Variants in IL23R observed in about 807,000 individuals in gnomAD.
IL23R encodes interleukin 23 receptor.
Under a neutral mutation model 56.9 loss-of-function variants are expected in IL23R, and 34 were observed. That is an observed-to-expected ratio of 0.60 (90% CI 0.45 to 0.80). IL23R has a LOEUF of 0.80. Among genes scored for constraint, IL23R ranks in the 30% least tolerant of loss-of-function variants. The probability of loss-of-function intolerance (pLI) is 0.00; values close to 1 mark genes in which losing one functional copy is unlikely to be tolerated. For synonymous variants in IL23R, 230 were observed against 249.2 expected (o/e 0.92, Z 0.73); for missense variants, 635 against 730.0 (o/e 0.87, Z 1.50).
At chr1:67,193,962 C>T (rs535875820) in intron 4 of IL23R, among the ~76,000 whole-genome samples, 3 of 152,314 alleles carry the variant, frequency 2.0e-5, no homozygotes, top group South Asian at 2.1e-4. Flanking sequence ...GTGGTTTCCA[C>T]GATACACTCC....
chr1:67,155,301 G>C (rs922355990), intron 1 of IL23R, among the ~76,000 whole-genome samples: 40 of 152,186 alleles, frequency 2.6e-4, no homozygotes, highest in African/African-American at 9.6e-4. Flanking sequence ...TATCTTAGTG[G>C]TGCTCTCTGT....
At chr1:67,185,374 G>T (rs1312589713) in intron 4 of IL23R, among the ~76,000 whole-genome samples, 3 of 152,098 alleles carry the variant, frequency 2.0e-5, no homozygotes, top group Non-Finnish European at 4.4e-5. Flanking sequence ...TCATCATTAT[G>T]GAAGGGAATA....
At chr1:67,214,918 G>C (rs560833848) in intron 6 of IL23R, among the ~76,000 whole-genome samples, 1 of 152,222 alleles carries the variant, frequency 6.6e-6, no homozygotes, top group East Asian at 1.9e-4. Context: ...TCATAACTTA[G>C]AAAGCGATGT....
chr1:67,176,190 G>A lies in IL23R; in HGVS notation c.367+6552G>A, dbSNP rs148485400. On this transcript the variant is annotated intron_variant, in intron 3 of 10. Transcript: ENST00000347310. ...TTGGGTTTAAATGCATATGGGAAAT[G>A]AAGAATAATAGGCTCTTTAAAAGTG... is the stretch of plus-strand genomic sequence containing the variant. Among the ~76,000 whole-genome samples the A allele has an allele frequency of 7.2e-5, 11 of 152,258 alleles. No individual in the cohort carries two copies. The East Asian group carries it at 2.1e-3, about 29-fold the overall frequency.
chr1:67,254,455 A>G (rs1314712489), intron 9 of IL23R, among the ~76,000 whole-genome samples: 3 of 152,128 alleles, frequency 2.0e-5, no homozygotes, highest in African/African-American at 4.8e-5. Flanking sequence ...AGTGTACTGT[A>G]TAAAAACTTT....
chr1:67,154,552 T>A (rs1646755436), intron 1 of IL23R, among the ~76,000 whole-genome samples: 1 of 152,166 alleles, frequency 6.6e-6, no homozygotes, highest in Non-Finnish European at 1.5e-5. Flanking sequence ...TGGTTTAAAG[T>A]CTGTTTTATT....
chr1:67,219,718 A>G lies in IL23R; in HGVS notation c.943A>G (p.Thr315Ala), dbSNP rs768312080. The G allele has an allele frequency of 6.2e-7, 1 of 1,613,648 alleles. No individual in the cohort carries two copies. The highest frequency in any genetic ancestry group is 8.5e-7 in the Non-Finnish European group (1 of 1,179,564). ...QPWSSLFFHK[T>A]PETVPQVTSK... ...TTGGAGTTCACTGTTTTTTCATAAAACACCTGAAACAGGTGAGTGTACTTA... is the reference window on the plus strand; with the variant it reads ...TTGGAGTTCACTGTTTTTTCATAAAGCACCTGAAACAGGTGAGTGTACTTA... Residue 315 changes from threonine (T) to alanine (A), a missense_variant, in exon 7 of 11, where the codon ACA becomes GCA. By Grantham distance (58) the Thr-to-Ala change is moderately conservative. Transcript: ENST00000347310.
chr1:67,242,508 C>T (rs1391512439), intron 9 of IL23R, among the ~76,000 whole-genome samples: 1 of 152,124 alleles, frequency 6.6e-6, no homozygotes, highest in Non-Finnish European at 1.5e-5. Flanking sequence ...AAGCTGTTCA[C>T]ATTAAGGACG....
In IL23R at chr1:67,171,921, T is replaced by C. The variant is rs377340626; in HGVS notation, c.367+2283T>C. Among the ~76,000 whole-genome samples, 14 of 152,350 alleles carry C rather than the reference T, an allele frequency of 9.2e-5. No homozygotes were observed. The East Asian group carries it at 1.9e-3, about 21-fold the overall frequency. On this transcript the variant is annotated intron_variant, in intron 3 of 10. Coordinates refer to ENST00000347310, the MANE Select transcript of IL23R (RefSeq NM_144701.3). ...ACCCAACACCAGGCAATGTAGAAGG[T>C]AAGAGAATGGACTTTGTTCCTCTTC... is the stretch of plus-strand genomic sequence containing the variant.
chr1:67,219,815 C>T, intron 7 of IL23R, 85 bp downstream of exon 7: 6 of 1,360,170 alleles, frequency 4.4e-6, no homozygotes, highest in Non-Finnish European at 6.3e-6. Context: ...CCTATAATTC[C>T]AGCACTTTGA....
intron 6 of IL23R, among the ~76,000 whole-genome samples, chr1:67,210,435 G>C (rs1471691927): frequency 6.6e-6 from 1 of 151,712 alleles, no homozygotes; most frequent in Non-Finnish European, 1.5e-5. Flanking sequence ...AATAGTTTCT[G>C]GCCTTTTTTT....
At chr1:67,222,336 C>T (rs574442637) in intron 7 of IL23R, among the ~76,000 whole-genome samples, 59 of 152,016 alleles carry the variant, frequency 3.9e-4, no homozygotes, top group African/African-American at 5.1e-4. Context: ...AGGCTGGTCT[C>T]GAACTCACGA....
intron 6 of IL23R, among the ~76,000 whole-genome samples, chr1:67,211,323 A>T (rs1649454919): frequency 6.6e-6 from 1 of 152,216 alleles, no homozygotes. Context: ...GATATTAAAG[A>T]ATACTGAGTT....
intron 4 of IL23R, among the ~76,000 whole-genome samples, chr1:67,190,009 A>C (rs1021915394): frequency 6.6e-6 from 1 of 152,180 alleles, no homozygotes; most frequent in African/African-American, 2.4e-5. Context: ...GAGAAAGCTG[A>C]CTTATAATGA....
In IL23R at chr1:67,187,054, C is replaced by T. The variant is rs138827946; in HGVS notation, c.491+4095C>T. On this transcript the variant is annotated intron_variant, in intron 4 of 10. Transcript: ENST00000347310. ...ATTCTTCTATTAATATTTGTGTACA[C>T]GTTTTGTGTAGACATATTTTTATTT... 3.8e-3 allele frequency among the ~76,000 whole-genome samples: 579 copies of T among 152,076 alleles called. 4 individuals carry two copies. Among genetic ancestry groups the T allele is most frequent in the African/African-American group, 0.013 (549 of 41,474 alleles).
intron 5 of IL23R, among the ~76,000 whole-genome samples, chr1:67,202,110 G>A (rs1051261693): frequency 1.3e-5 from 2 of 152,168 alleles, no homozygotes; most frequent in Non-Finnish European, 2.9e-5. Context: ...GAATCATCCT[G>A]TCTTTGCAGA....
At chr1:67,205,921 TTCTTTTTC>T (rs1430585563) in intron 5 of IL23R, among the ~76,000 whole-genome samples, 1 of 123,264 alleles carries the variant, frequency 8.1e-6, no homozygotes, top group African/African-American at 2.9e-5. Flanking sequence ...CTTTCTTTCT[TTCTTTTTC>T]TTTCTTTCTT....
rs72241835 is a variant in IL23R, at chr1:67,222,102, C to CTTTTTTTTTTTTTTTTTTTTTTT, written c.955+2378_955+2400dup. Among the ~76,000 whole-genome samples the CTTTTTTTTTTTTTTTTTTTTTTT allele has an allele frequency of 1.9e-3, 111 of 58,904 alleles. 1 individual carries two copies. Among genetic ancestry groups the CTTTTTTTTTTTTTTTTTTTTTTT allele is most frequent in the Admixed American group, 3.1e-3 (11 of 3,600 alleles). 38.6% of individuals were successfully genotyped at this position (58,904 alleles called of 152,430 possible). The stretch of plus-strand genomic sequence containing the variant: ...TCCTTTTCTCTTTCTTTCTTTCTTT[C>CTTTTTTTTTTTTTTTTTTTTTTT]TTTTTTTTTTTTTTTTTTTTTTTTT... On this transcript the variant is annotated intron_variant, in intron 7 of 10. Transcript: ENST00000347310.
At chr1:67,203,500 A>C in intron 5 of IL23R, among the ~76,000 whole-genome samples, 1 of 148,572 alleles carries the variant, frequency 6.7e-6, no homozygotes, top group Non-Finnish European at 1.5e-5. Context: ...CTCTTCCTCC[A>C]CCTCCTCCTC....
Sources: gnomAD v4.1 joint callset for allele counts (sites outside exome capture counted in the v4.1 genomes callset) on GRCh38, gnomAD v4.1.1 for gene constraint, MANE v1.5 for transcripts, NCBI Gene and HGNC (gene_info 2026-07-23, HGNC 2026-07-21) for gene names.